NEDD4: variants seen among roughly 807,000 people sequenced by gnomAD.
The protein encoded by NEDD4 is E3 ubiquitin-protein ligase NEDD4.
A neutral mutation model predicts 144.9 loss-of-function variants in NEDD4; 99 were observed. That is an observed-to-expected ratio of 0.68 (90% CI 0.58 to 0.81). The LOEUF (loss-of-function observed/expected upper bound fraction) is 0.81. Among genes scored for constraint, NEDD4 ranks in the 30% least tolerant of loss-of-function variants. The probability of loss-of-function intolerance (pLI) is 0.00; values close to 1 mark genes in which losing one functional copy is unlikely to be tolerated. For synonymous variants in NEDD4, 318 were observed against 350.6 expected, an observed-to-expected ratio of 0.91 and a Z score of 1.04; for missense variants, 985 against 1,065.9, an observed-to-expected ratio of 0.92 and a Z score of 1.06.
chr15:55,832,934 T>C (rs1383903908), intron 27 of NEDD4, 74 bp downstream of exon 27: 5 of 995,214 alleles, frequency 5.0e-6, no homozygotes, highest in Admixed American at 2.1e-5. Flanking sequence ...TGATGGAAGC[T>C]TGCGGATTCG....
chr15:55,993,472 C>G (rs746103211), intron 1 of NEDD4, 39 bp downstream of exon 1: 1 of 1,591,546 alleles, frequency 6.3e-7, no homozygotes. Flanking sequence ...CTGAATAACC[C>G]GAAGGGAAGC....
At chr15:55,929,656 A>G (rs976066504) in intron 4 of NEDD4, among the ~76,000 whole-genome samples, 1 of 152,198 alleles carries the variant, frequency 6.6e-6, no homozygotes, top group Non-Finnish European at 1.5e-5. Flanking sequence ...ATTGTAACAT[A>G]TAATTGTTAA....
chr15:55,963,139 T>G (rs8043427), intron 2 of NEDD4, among the ~76,000 whole-genome samples: 5 of 149,384 alleles, frequency 3.3e-5, no homozygotes, highest in Admixed American at 3.3e-4. Context: ...TTTTTTATTT[T>G]TTTTTTTTTT....
intron 4 of NEDD4, among the ~76,000 whole-genome samples, chr15:55,930,340 T>A (rs149542353): frequency 6.6e-6 from 1 of 152,184 alleles, no homozygotes; most frequent in Non-Finnish European, 1.5e-5. Flanking sequence ...TGTTATCTAT[T>A]AATTTCTCTC....
intron 6 of NEDD4, among the ~76,000 whole-genome samples, chr15:55,873,573 T>G (rs1427248123): frequency 6.6e-6 from 1 of 152,222 alleles, no homozygotes; most frequent in Non-Finnish European, 1.5e-5. Context: ...TCTGTTTTTC[T>G]CCTTGCTATA....
At chr15:55,843,060 T>C (rs1194616325) in intron 18 of NEDD4, among the ~76,000 whole-genome samples, 1 of 152,200 alleles carries the variant, frequency 6.6e-6, no homozygotes, top group African/African-American at 2.4e-5. Flanking sequence ...TCACGACATC[T>C]AATGGTTTCT....
rs937445752 is a variant in NEDD4, at chr15:55,950,507, T to C, written c.237+869A>G. Among the ~76,000 whole-genome samples the C allele has an allele frequency of 2.5e-3, 373 of 152,204 alleles. 4 individuals are homozygous for C. The highest frequency in any genetic ancestry group is 8.5e-3 in the African/African-American group (354 of 41,550). ...CCACAGAAGCCTCCAGAGAGGCTGGTGTTTCAGGAATGATCTGCCATGTCA... is the reference window on the plus strand; with the variant it reads ...CCACAGAAGCCTCCAGAGAGGCTGGCGTTTCAGGAATGATCTGCCATGTCA... On this transcript the variant is annotated intron_variant, in intron 4 of 28. Transcript: ENST00000435532.
chr15:55,873,245 A>T (rs2034868711), intron 6 of NEDD4, among the ~76,000 whole-genome samples: 1 of 152,130 alleles, frequency 6.6e-6, no homozygotes, highest in Admixed American at 6.6e-5. Context: ...CATTATTCTC[A>T]GAGATTCTGC....
intron 5 of NEDD4, 63 bp from the exon 6 acceptor site, chr15:55,874,071 T>C (rs2034904918): frequency 2.2e-6 from 2 of 896,378 alleles, no homozygotes; most frequent in Non-Finnish European, 1.7e-6. Context: ...AAGAGTTTGA[T>C]GAGATAGTGC....
chr15:55,851,339 G>A (rs2033971968), intron 13 of NEDD4, among the ~76,000 whole-genome samples: 1 of 151,628 alleles, frequency 6.6e-6, no homozygotes, highest in South Asian at 2.1e-4. Context: ...TAAGCAAAAA[G>A]GTGTAGACTT....
intron 2 of NEDD4, among the ~76,000 whole-genome samples, chr15:55,958,577 T>C (rs2037376012): frequency 6.6e-6 from 1 of 152,188 alleles, no homozygotes; most frequent in African/African-American, 2.4e-5. Context: ...TCCCTAAATG[T>C]CTGATAGCTG....
At chr15:55,934,026 G>A (rs1314219663) in intron 4 of NEDD4, among the ~76,000 whole-genome samples, 1 of 152,126 alleles carries the variant, frequency 6.6e-6, no homozygotes, top group Non-Finnish European at 1.5e-5. Context: ...GGTGGCACAC[G>A]CCTGTAATCC....
At chr15:55,839,292 G>A (rs1287324923) in intron 21 of NEDD4, among the ~76,000 whole-genome samples, 3 of 152,084 alleles carry the variant, frequency 2.0e-5, no homozygotes, top group African/African-American at 7.2e-5. Context: ...GCTTCCCAAA[G>A]TGCTGGGATT....
At chr15:55,991,156 G>A (rs1181058397) in intron 1 of NEDD4, among the ~76,000 whole-genome samples, 1 of 152,126 alleles carries the variant, frequency 6.6e-6, no homozygotes, top group Non-Finnish European at 1.5e-5. Context: ...TTTAAAATAA[G>A]AATCCTCTCC....
At chr15:55,839,078 G>C (rs12906350) in intron 21 of NEDD4, among the ~76,000 whole-genome samples, 10,233 of 151,226 alleles carry the variant, frequency 0.068, 437 homozygotes, top group Non-Finnish European at 0.099. Context: ...CCTTAGGTTG[G>C]AGTGCAGTGG....
intron 4 of NEDD4, among the ~76,000 whole-genome samples, chr15:55,936,002 T>A (rs1371660097): frequency 6.6e-6 from 1 of 152,058 alleles, no homozygotes; most frequent in African/African-American, 2.4e-5. Context: ...TTCTTTCACC[T>A]GCTGCAATGA....
Position 55,993,257 on chromosome 15 carries a change from A to G in NEDD4, c.45+254T>C, listed in dbSNP as rs538034186. 7.9e-5 allele frequency among the ~76,000 whole-genome samples: 12 copies of G among 152,244 alleles called. No individual in the cohort carries two copies. In the South Asian group the frequency reaches 2.5e-3, roughly 32 times the overall value. On this transcript the variant is annotated intron_variant, in intron 1 of 28. Transcript: ENST00000435532. ...CAACACTTCCTGAAGGAAACTGACA[A>G]GTAAGGCGGCGGCCGCTCCGGGAAG...
In NEDD4 at chr15:55,953,290, G is replaced by A. The variant is rs147946686; in HGVS notation, c.120-1701C>T. On this transcript the variant is annotated intron_variant, in intron 2 of 28. Coordinates refer to ENST00000435532, the MANE Select transcript of NEDD4 (RefSeq NM_006154.4). ...CCACGTGAGCCATAGCGCTGAGCCC[G>A]TATATTAATTCTTTGAATCTCTATA... Among the ~76,000 whole-genome samples the A allele has an allele frequency of 1.7e-3, 262 of 151,728 alleles. 3 individuals carry two copies. The South Asian group carries it at 0.023, about 13-fold the overall frequency.
At chr15:55,874,369 C>G (rs1347447889) in intron 5 of NEDD4, among the ~76,000 whole-genome samples, 2 of 152,016 alleles carry the variant, frequency 1.3e-5, no homozygotes, top group African/African-American at 4.8e-5. Flanking sequence ...TAGTAGTATT[C>G]TACAGTCCAC....
Sources: gnomAD v4.1 joint callset for allele counts (sites outside exome capture counted in the v4.1 genomes callset) on GRCh38, gnomAD v4.1.1 for gene constraint, MANE v1.5 for transcripts, NCBI Gene and HGNC (gene_info 2026-07-23, HGNC 2026-07-21) for gene names.